The following AFF3 variants were observed in gnomAD, a reference collection of about 807,000 sequenced individuals.
AFF3 encodes the protein AF4/FMR2 family member 3.
A neutral mutation model predicts 129.7 loss-of-function variants in AFF3; 32 were observed. The observed-to-expected ratio is 0.25, with a 90% CI of 0.19 to 0.33. The LOEUF (loss-of-function observed/expected upper bound fraction) is 0.33, where lower values mean the gene tolerates loss of function less well. AFF3 is among the 10% of genes least tolerant of loss of function. AFF3 has a pLI of 1.00. For missense variants in AFF3, 1,373 were observed against 1,592.0 expected (o/e 0.86, Z 2.34); for synonymous variants, 644 against 635.4 (o/e 1.01, Z -0.20).
chr2:100,061,789 T>TGAGGG (rs1359257516), intron 4 of AFF3, among the ~76,000 whole-genome samples: 2 of 149,334 alleles, frequency 1.3e-5, no homozygotes, highest in African/African-American at 4.9e-5. Context: ...TGTTTTTCTT[T>TGAGGG]GAGGGGGAAA....
chr2:99,976,384 A>G (rs1181195628), intron 7 of AFF3, among the ~76,000 whole-genome samples: 1 of 152,214 alleles, frequency 6.6e-6, no homozygotes, highest in African/African-American at 2.4e-5. Context: ...CCAAGGACTC[A>G]ATGAAATTGT....
intron 14 of AFF3, among the ~76,000 whole-genome samples, chr2:99,599,075 C>T (rs746730659): frequency 1.3e-5 from 2 of 151,978 alleles, no homozygotes; most frequent in African/African-American, 2.4e-5. Flanking sequence ...GTGACTTAAA[C>T]TTTTAGGACT....
At chr2:100,057,979 C>T (rs1019251007) in intron 4 of AFF3, among the ~76,000 whole-genome samples, 1 of 152,102 alleles carries the variant, frequency 6.6e-6, no homozygotes, top group Non-Finnish European at 1.5e-5. Flanking sequence ...GAGTAAATCA[C>T]CCTAGCTAGA....
At chr2:99,855,809 TG>T (rs1690483899) in intron 7 of AFF3, among the ~76,000 whole-genome samples, 1 of 152,180 alleles carries the variant, frequency 6.6e-6, no homozygotes, top group Admixed American at 6.5e-5. Flanking sequence ...AGGATAATTC[TG>T]GAGTGGAGAA....
chr2:100,045,011 C>T (rs542212795), intron 4 of AFF3, among the ~76,000 whole-genome samples: 2 of 152,204 alleles, frequency 1.3e-5, no homozygotes, highest in South Asian at 4.1e-4. Context: ...GAGCATCAGC[C>T]CACAGCATCT....
At chr2:100,038,218 C>T (rs1685132322) in intron 4 of AFF3, among the ~76,000 whole-genome samples, 1 of 151,974 alleles carries the variant, frequency 6.6e-6, no homozygotes, top group Non-Finnish European at 1.5e-5. Flanking sequence ...CACATCTAAG[C>T]CCCGCCCGCT....
intron 7 of AFF3, among the ~76,000 whole-genome samples, chr2:99,897,268 T>A (rs62147649): frequency 0.029 from 4,439 of 152,262 alleles, 92 homozygotes; most frequent in Non-Finnish European, 0.044. Context: ...TAAGACAAAT[T>A]GGATGGTAAG....
At chr2:99,555,215 T>G (rs1674799671) in intron 22 of AFF3, among the ~76,000 whole-genome samples, 1 of 152,182 alleles carries the variant, frequency 6.6e-6, no homozygotes, top group Non-Finnish European at 1.5e-5. Flanking sequence ...GCAGCCTTAC[T>G]TTTTCATTGT....
chr2:99,548,706 G>A lies in AFF3; in HGVS notation c.*2768C>T, dbSNP rs527859426. ...TGCAGGGAGCCATGATCGCGCCACC[G>A]CATTCCAGCTTGGGCTACAGAGCCA... On this transcript the variant is annotated 3_prime_UTR_variant, in exon 25 of 25. Transcript: ENST00000672756. 1.8e-3 allele frequency: 401 copies of A among 226,668 alleles called. 1 individual carries two copies. Among genetic ancestry groups the A allele is most frequent in the Non-Finnish European group, 2.8e-3 (317 of 113,888 alleles). 14.0% of individuals were successfully genotyped at this position (226,668 alleles called of 1,614,324 possible).
In AFF3 at chr2:99,729,635, T is replaced by C. The variant is rs138565490; in HGVS notation, c.1040-2507A>G. On this transcript the variant is annotated intron_variant, in intron 10 of 24. Transcript: ENST00000672756. ...AGTTAACTTGAAATGTTTAAGTGTA[T>C]ACACCACTGAGAATTATGGTCTCTT... Among the ~76,000 whole-genome samples, 666 of 152,258 alleles carry C rather than the reference T, an allele frequency of 4.4e-3. 3 individuals carry two copies. Among genetic ancestry groups the C allele is most frequent in the African/African-American group, 0.015 (631 of 41,534 alleles).
chr2:99,937,640 G>A (rs1439276102), intron 7 of AFF3, among the ~76,000 whole-genome samples: 1 of 152,056 alleles, frequency 6.6e-6, no homozygotes, highest in Non-Finnish European at 1.5e-5. Context: ...CTTGTGATCC[G>A]CCCGCCTCGG....
intron 4 of AFF3, among the ~76,000 whole-genome samples, chr2:100,052,639 C>A (rs945458068): frequency 6.6e-6 from 1 of 152,150 alleles, no homozygotes; most frequent in Non-Finnish European, 1.5e-5. Flanking sequence ...CCACAGGAAC[C>A]CAGGAAATGC....
intron 7 of AFF3, among the ~76,000 whole-genome samples, chr2:99,934,378 T>A (rs1674332249): frequency 6.6e-6 from 1 of 152,180 alleles, no homozygotes; most frequent in African/African-American, 2.4e-5. Context: ...TTAAAAAGTT[T>A]CCAAGCAGAT....
chr2:99,582,531 T>A (rs368820164), intron 17 of AFF3, among the ~76,000 whole-genome samples: 50 of 152,352 alleles, frequency 3.3e-4, no homozygotes, highest in African/African-American at 1.1e-3. Flanking sequence ...ATGGTATTAC[T>A]TTGAGGTCTT....
intron 13 of AFF3, chr2:99,630,986 A>G (rs1322443716): frequency 2.2e-6 from 1 of 461,354 alleles, no homozygotes; most frequent in Non-Finnish European, 4.5e-6. Context: ...AGAGGAGGGC[A>G]TTTCAGAAGG....
Position 99,551,010 on chromosome 2 carries a change from C to T in AFF3, c.*464G>A, listed in dbSNP as rs1024361765. On this transcript the variant is annotated 3_prime_UTR_variant, in exon 25 of 25. Coordinates refer to ENST00000672756, the MANE Select transcript of AFF3 (RefSeq NM_001386135.1). Reference sequence around the variant, plus strand: ...ATCAACAGTATAAGAGCAGGTCCATCTTCACTGGCAGTCAAGCTTTTGGTG... The same window carrying T: ...ATCAACAGTATAAGAGCAGGTCCATTTTCACTGGCAGTCAAGCTTTTGGTG... 3 of 398,794 alleles carry T rather than the reference C, an allele frequency of 7.5e-6. No homozygotes were observed. The highest frequency in any genetic ancestry group is 1.3e-5 in the Non-Finnish European group (3 of 225,260). The allele number at this position is 398,794 out of a possible 1,614,324, so 24.7% of individuals were successfully genotyped here.
rs566237388 is a variant in AFF3, at chr2:99,547,823, T to A, written c.*3651A>T. 4.7e-6 allele frequency: 1 copy of A among 211,242 alleles called. No individual in the cohort carries two copies. Among genetic ancestry groups the A allele is most frequent in the African/African-American group, 2.3e-5 (1 of 44,296 alleles). The allele number at this position is 211,242 out of a possible 1,614,324, so 13.1% of individuals were successfully genotyped here. A position where few individuals can be genotyped will look rare whatever the true frequency, so the allele number is the denominator to read the frequency against. On this transcript the variant is annotated 3_prime_UTR_variant, in exon 25 of 25. Transcript: ENST00000672756. ...GTATGGGGTGTCAGAAATGTACACA[T>A]CACTGTTATATAATACACACATCAT... is the stretch of plus-strand genomic sequence containing the variant.
chr2:99,877,513 T>C (rs1310337667), intron 7 of AFF3, among the ~76,000 whole-genome samples: 1 of 152,154 alleles, frequency 6.6e-6, no homozygotes, highest in Non-Finnish European at 1.5e-5. Flanking sequence ...TTACAACTGA[T>C]GGCAGCATAG....
At chr2:100,045,281 G>A (rs1159021194) in intron 4 of AFF3, among the ~76,000 whole-genome samples, 3 of 152,154 alleles carry the variant, frequency 2.0e-5, no homozygotes, top group South Asian at 2.1e-4. Flanking sequence ...GTTACTACCC[G>A]CCAGCAACAG....
Sources: gnomAD v4.1 joint callset for allele counts (sites outside exome capture counted in the v4.1 genomes callset) on GRCh38, gnomAD v4.1.1 for gene constraint, MANE v1.5 for transcripts, NCBI Gene and HGNC (gene_info 2026-07-23, HGNC 2026-07-21) for gene names.